UBR4: variants seen among roughly 807,000 people sequenced by gnomAD.
UBR4 encodes ubiquitin protein ligase E3 component n-recognin 4.
UBR4 carries 124 observed loss-of-function variants against 575.6 expected under a neutral mutation model. The ratio of observed to expected loss-of-function variants is 0.22; its 90% CI spans 0.19 to 0.25. The LOEUF (loss-of-function observed/expected upper bound fraction) is 0.25, where lower values mean the gene tolerates loss of function less well. Ranked by LOEUF, UBR4 falls within the 10% of genes least tolerant of loss-of-function variation. UBR4 has a pLI of 1.00. For synonymous variants in UBR4, 2,455 were observed against 2,473.7 expected (o/e 0.99, Z 0.22); for missense variants, 4,818 against 6,478.8 (o/e 0.74, Z 8.80).
At position 19,173,274 on chromosome 1, in the gene UBR4, C is replaced by T. The variant is rs1465421029; in HGVS notation, c.3198G>A (p.Glu1066=). The change falls in exon 24 of 106, where the codon GAG becomes GAA. Residue 1066 remains glutamate (E), a synonymous_variant. Coordinates refer to ENST00000375254, the MANE Select transcript of UBR4 (RefSeq NM_020765.3). ...CCAGTTCTAGAAGCGAGCTAGCATGCTCAGCCTTCATTCCCTGTTTGATAA... is the reference window on the plus strand; with the variant it reads ...CCAGTTCTAGAAGCGAGCTAGCATGTTCAGCCTTCATTCCCTGTTTGATAA... ...DHLIKQGMKA[E]HASSLLELAS... is the part of the protein sequence containing the mutation. The T allele has an allele frequency of 2.5e-6, 4 of 1,614,078 alleles. No individual in the cohort carries two copies. Among genetic ancestry groups the T allele is most frequent in the Non-Finnish European group, 3.4e-6 (4 of 1,180,036 alleles).
chr1:19,153,861 A>G lies in UBR4; in HGVS notation c.6537T>C (p.Cys2179=). 1.2e-6 allele frequency: 2 copies of G among 1,614,192 alleles called. No individual in the cohort carries two copies. The highest frequency in any genetic ancestry group is 1.1e-5 in the South Asian group (1 of 91,088). ...EVMNHPGLVC[C]VQQTTGVPLV... ...GCGGCACCCCTGTAGTTTGCTGGAC[A>G]CAGCACACCAAGCCAGGGTGGTTCA... The change falls in exon 45 of 106, where the codon TGT becomes TGC. Residue 2179 remains cysteine (C), a synonymous_variant. Coordinates refer to ENST00000375254, the MANE Select transcript of UBR4 (RefSeq NM_020765.3). The surrounding 1 kb of genome is among the most constrained non-coding windows in gnomAD (Gnocchi z 4.1).
rs1357200766 is a variant in UBR4 at position 19,113,806 on chromosome 1, C to T, written c.11350G>A (p.Gly3784Ser). Residue 3784 changes from glycine to serine, a missense_variant, in exon 77 of 106, where the codon GGC (glycine) becomes AGC (serine). Physicochemically the swap from Gly to Ser is moderately conservative, Grantham distance 56. Transcript: ENST00000375254. ...ACACTGGCAGAAGTGGAGCTGATGC[C>T]CCCTGCTGTTCCTGAGTCATCCTGC... The part of the protein sequence containing the change: ...KPQDDSGTAG[G>S]ISSTSASVNR... 6.2e-7 allele frequency: 1 copy of T among 1,614,096 alleles called. No homozygotes were observed. Among genetic ancestry groups the T allele is most frequent in the Non-Finnish European group, 8.5e-7 (1 of 1,180,048 alleles).
rs757121959 is a variant in UBR4 at position 19,192,233 on chromosome 1, C to T, written c.1349G>A (p.Arg450His). 41 of 1,613,998 alleles carry T rather than the reference C, an allele frequency of 2.5e-5. No individual in the cohort carries two copies. Among genetic ancestry groups the T allele is most frequent in the South Asian group, 5.5e-5 (5 of 91,082 alleles). The change falls in exon 11 of 106, where the codon CGT becomes CAT. Residue 450 changes from arginine to histidine, a missense_variant. Arg to His is a conservative substitution (Grantham distance 29). Transcript: ENST00000375254. ...AALRVRDILSRTKEGVGSPKL... is the reference protein window; with the variant it reads ...AALRVRDILSHTKEGVGSPKL... ...AGGGGAGCCCACTCCCTCTTTAGTA[C>T]GAGAAAGGATGTCTCTGACTCGGAG...
rs1267485497 is a variant in UBR4, at chr1:19,192,298, C to T, written c.1284G>A (p.Ala428=). Residue 428 remains alanine (A), a synonymous_variant, in exon 11 of 106, where the codon GCG becomes GCA. Transcript: ENST00000375254. ...CCTTCTCTTTCCCCTTATCAGCCAA[C>T]GCAGTAGGACTGAGGTTCAGTATGA... is the stretch of plus-strand genomic sequence containing the variant. ...LFLILNLSPT[A]LADKGKEKDP... 7 of 1,614,112 alleles carry T rather than the reference C, an allele frequency of 4.3e-6. No individual in the cohort carries two copies. Among genetic ancestry groups the T allele is most frequent in the Admixed American group, 1.7e-5 (1 of 60,014 alleles).
In UBR4 at chr1:19,144,036, C is replaced by T; in HGVS notation, c.8123G>A (p.Arg2708Lys). The T allele has an allele frequency of 2.5e-6, 4 of 1,614,092 alleles. No homozygotes were observed. Among genetic ancestry groups the T allele is most frequent in the Non-Finnish European group, 3.4e-6 (4 of 1,179,958 alleles). Residue 2708 changes from arginine to lysine, a missense_variant, in exon 55 of 106, where the codon AGG (arginine) becomes AAG (lysine). By Grantham distance (26) the Arg-to-Lys change is conservative. This residue lies in a region of UBR4 where 129 missense variants were observed against 198.4 expected (regional missense o/e 0.65). Coordinates refer to ENST00000375254, the MANE Select transcript of UBR4 (RefSeq NM_020765.3). Reference protein sequence around the residue: ...KQALIRVLRPRNKRRHVTLPS... With the variant: ...KQALIRVLRPKNKRRHVTLPS... ...TAAAGTCACATGTCTCCGTTTGTTC[C>T]TGGGCCTTAGGACTCGAATTAGAGC...
intron 60 of UBR4, among the ~76,000 whole-genome samples, chr1:19,131,230 T>A (rs2082389112): frequency 8.3e-6 from 1 of 120,148 alleles, no homozygotes; most frequent in East Asian, 2.4e-4. Context: ...TCTTACACAG[T>A]ACTCTTGAAA....
chr1:19,143,934 C>G, intron 55 of UBR4, 46 bp downstream of exon 55: 1 of 1,574,466 alleles, frequency 6.4e-7, no homozygotes, highest in Non-Finnish European at 8.7e-7. Flanking sequence ...CCTCTCTCCC[C>G]TCCTCCCAAA....
At chr1:19,112,967 AT>A in intron 77 of UBR4, 100 bp from the exon 78 acceptor site, 1 of 1,226,474 alleles carries the variant, frequency 8.2e-7, no homozygotes, top group Non-Finnish European at 1.1e-6. Flanking sequence ...CTTTACATGC[AT>A]TATATAACTT....
intron 34 of UBR4, 78 bp from the exon 35 acceptor site, chr1:19,162,689 A>C (rs1330928272): frequency 6.8e-7 from 1 of 1,462,704 alleles, no homozygotes; most frequent in African/African-American, 1.4e-5. Flanking sequence ...GCTTTTTCAA[A>C]TAAAGCTCAA....
intron 54 of UBR4, 25 bp from the exon 55 acceptor site, chr1:19,144,116 C>A: frequency 6.3e-7 from 1 of 1,597,004 alleles, no homozygotes; most frequent in Non-Finnish European, 8.6e-7. Flanking sequence ...GAAACTGTCA[C>A]GCTTTGCTCT....
chr1:19,115,722 T>C lies in UBR4; in HGVS notation c.10824-85A>G, dbSNP rs907588221. The C allele has an allele frequency of 1.3e-5, 20 of 1,536,912 alleles. No homozygotes were observed. In the East Asian group the frequency reaches 2.3e-4, roughly 17 times the overall value. On this transcript the variant is annotated intron_variant, in intron 73 of 105. Transcript: ENST00000375254. Reference sequence around the variant, plus strand: ...TGAGACAAAGAGGAAGACTGTCCCATGTATTTTTCTAAGGCAATTAAGTGG... The same window carrying C: ...TGAGACAAAGAGGAAGACTGTCCCACGTATTTTTCTAAGGCAATTAAGTGG...
In UBR4 at chr1:19,146,899, A is replaced by G. The variant is rs2084950815; in HGVS notation, c.7731T>C (p.Ala2577=). ...PEVFQRLVIT[A]RSIAIMRPNN... is the part of the protein sequence containing the mutation. Reference sequence around the variant, plus strand: ...TGGGGCGCATGATGGCAATGGAGCGAGCTGTGATCACTAGCCTCTGGAACA... The same window carrying G: ...TGGGGCGCATGATGGCAATGGAGCGGGCTGTGATCACTAGCCTCTGGAACA... The change falls in exon 52 of 106, where the codon GCT becomes GCC. Residue 2577 remains alanine (A), a synonymous_variant. Coordinates refer to ENST00000375254, the MANE Select transcript of UBR4 (RefSeq NM_020765.3). The G allele has an allele frequency of 6.2e-7, 1 of 1,614,194 alleles. No individual in the cohort carries two copies. Among genetic ancestry groups the G allele is most frequent in the South Asian group, 1.1e-5 (1 of 91,080 alleles).
chr1:19,146,574 A>AG (rs1366845611), intron 52 of UBR4, among the ~76,000 whole-genome samples: 2 of 152,248 alleles, frequency 1.3e-5, no homozygotes, highest in Non-Finnish European at 2.9e-5. Flanking sequence ...AACTTCAGAG[A>AG]CAGATTATAT....
chr1:19,122,967 G>A lies in UBR4; in HGVS notation c.9682C>T (p.Arg3228Trp), dbSNP rs1359514212. Residue 3228 changes from arginine to tryptophan, a missense_variant, in exon 66 of 106, where the codon CGG becomes TGG. Transcript: ENST00000375254. ...TGAGAGTCCAGGGTGTGCAAATCCC[G>A]GAGCTGGCGGTACTTCTCTTTGGAT... Reference protein sequence around the residue: ...CGSKEKYRQLRDLHTLDSHVR... With the variant: ...CGSKEKYRQLWDLHTLDSHVR... 6.2e-7 allele frequency: 1 copy of A among 1,614,090 alleles called. No individual in the cohort carries two copies. The highest frequency in any genetic ancestry group is 1.3e-5 in the African/African-American group (1 of 74,924).
At chr1:19,163,674 A>G in intron 34 of UBR4, 90 bp downstream of exon 34, 2 of 1,372,994 alleles carry the variant, frequency 1.5e-6, no homozygotes, top group Non-Finnish European at 2.1e-6. Flanking sequence ...CAGGCACAGA[A>G]CTCAATAGGA....
chr1:19,138,521 G>T (rs1397615759), intron 59 of UBR4, among the ~76,000 whole-genome samples: 1 of 152,148 alleles, frequency 6.6e-6, no homozygotes, highest in Admixed American at 6.5e-5. Flanking sequence ...TGTAAAAATT[G>T]TATCCAGTTG....
chr1:19,122,667 G>T (rs1421446217), intron 66 of UBR4, among the ~76,000 whole-genome samples, 166 bp downstream of exon 66: 3 of 152,196 alleles, frequency 2.0e-5, no homozygotes, highest in East Asian at 3.9e-4. Context: ...ACTACACATG[G>T]TACAGCACCC....
chr1:19,182,539 T>A (rs2151179541), intron 17 of UBR4, among the ~76,000 whole-genome samples: 1 of 152,252 alleles, frequency 6.6e-6, no homozygotes, highest in African/African-American at 2.4e-5. Flanking sequence ...TTTTGCAGAA[T>A]TGACATACTG....
At chr1:19,204,188 G>T (rs951375048) in intron 1 of UBR4, among the ~76,000 whole-genome samples, 3 of 151,780 alleles carry the variant, frequency 2.0e-5, no homozygotes, top group Non-Finnish European at 4.4e-5. Flanking sequence ...TTTTTTAGTA[G>T]AGATGGGGTT....
Sources: allele counts gnomAD v4.1 joint callset (sites outside exome capture counted in the v4.1 genomes callset), GRCh38; gene constraint gnomAD v4.1.1; regional missense constraint gnomAD v4.1.1; non-coding constraint Gnocchi (gnomAD v3.1); transcripts MANE v1.5; gene names NCBI Gene and HGNC (gene_info 2026-07-23, HGNC 2026-07-21).